MSN: variants seen among roughly 807,000 people sequenced by gnomAD.
MSN encodes moesin, also known as epididymis luminal protein 70.
MSN carries 2 observed loss-of-function variants against 48.0 expected under a neutral mutation model. The observed-to-expected ratio is 0.04, with a 90% CI of 0.02 to 0.13. MSN has a LOEUF of 0.13. Ranked by LOEUF, MSN falls within the 10% of genes least tolerant of loss-of-function variation. The pLI is 1.00. For missense variants in MSN, 267 were observed against 470.1 expected, an observed-to-expected ratio of 0.57 and a Z score of 3.99; for synonymous variants, 146 against 166.9, an observed-to-expected ratio of 0.87 and a Z score of 0.97.
At chrX:65,669,603 A>T (rs1279615446) in intron 1 of MSN, among the ~76,000 whole-genome samples, 1 of 111,350 alleles carries the variant, frequency 9.0e-6, no homozygotes, top group Non-Finnish European at 1.9e-5. Context: ...TGGAGTAATG[A>T]GGGTACCTAA....
At chrX:65,666,965 C>T (rs192419884), upstream of MSN, among the ~76,000 whole-genome samples, 546 of 111,808 alleles carry the variant, frequency 4.9e-3, no homozygotes, top group Non-Finnish European at 7.8e-3. Flanking sequence ...GCTAAAGGAT[C>T]AGGTCACTGA....
rs756728323 is a variant in MSN, at chrX:65,589,108, G to A, written c.-22+496G>A. 18 of 127,530 alleles carry A rather than the reference G, an allele frequency of 1.4e-4. No homozygotes were observed. In the East Asian group the frequency reaches 2.5e-3, roughly 18 times the overall value. 10.5% of individuals were successfully genotyped at this position (127,530 alleles called of 1,213,427 possible). On this transcript the variant is annotated intron_variant, in intron 1 of 3. Transcript: ENST00000609672. The stretch of plus-strand genomic sequence containing the variant: ...CTGTGGAGGCCTGGGGATCTCTAAG[G>A]CCCTACAGCTTCCCTGTCACTCCCA...
chrX:65,660,085 C>G (rs1416462602), intron 1 of MSN, among the ~76,000 whole-genome samples: 1 of 111,525 alleles, frequency 9.0e-6, no homozygotes, highest in Non-Finnish European at 1.9e-5. Flanking sequence ...CCTCGGCTGC[C>G]TCTGCTCTGC....
At chrX:65,695,715 T>C (rs1233547076) in intron 1 of MSN, among the ~76,000 whole-genome samples, 2 of 110,180 alleles carry the variant, frequency 1.8e-5, no homozygotes, top group Non-Finnish European at 3.8e-5. Context: ...CCTGGCTTTG[T>C]CTTCAGGGAT....
intron 1 of MSN, among the ~76,000 whole-genome samples, chrX:65,617,486 A>T (rs1356265047): frequency 9.5e-6 from 1 of 104,958 alleles, no homozygotes; most frequent in East Asian, 2.8e-4. Context: ...TTTCTAGTTT[A>T]TTTGCGTAGA....
At chrX:65,727,767 G>T in intron 2 of MSN, 47 bp from the exon 3 acceptor site, 1 of 1,063,154 alleles carries the variant, frequency 9.4e-7, no homozygotes, top group East Asian at 3.0e-5. Flanking sequence ...GCCTCACACA[G>T]AGGAAGTATT....
intron 1 of MSN, among the ~76,000 whole-genome samples, chrX:65,645,482 G>C (rs1240815172): frequency 9.2e-6 from 1 of 108,750 alleles, no homozygotes; most frequent in Non-Finnish European, 1.9e-5. Context: ...AGAAGAAAGG[G>C]AGTTTCTGTA....
Position 65,629,116 on chromosome X carries a change from T to C in MSN, c.-22+40504T>C, listed in dbSNP as rs1334714362. Reference sequence around the variant, plus strand: ...TTTTTAACAGTACCCAAGTCACCTCTTGAATGCTTTGCTGCCTAGAAATTT... The same window carrying C: ...TTTTTAACAGTACCCAAGTCACCTCCTGAATGCTTTGCTGCCTAGAAATTT... On this transcript the variant is annotated intron_variant, in intron 1 of 3. Transcript: ENST00000609672. Among the ~76,000 whole-genome samples the C allele has an allele frequency of 7.2e-5, 8 of 110,520 alleles. No individual in the cohort carries two copies. In the East Asian group the frequency reaches 2.3e-3, roughly 31 times the overall value.
intron 1 of MSN, among the ~76,000 whole-genome samples, chrX:65,688,734 T>C (rs1357012317): frequency 8.9e-6 from 1 of 112,074 alleles, no homozygotes; most frequent in Non-Finnish European, 1.9e-5. Flanking sequence ...TTGGGGGCTG[T>C]GTGGGGATGG....
At chrX:65,667,497 C>T (rs766938251), upstream of MSN, 2 of 386,472 alleles carry the variant, frequency 5.2e-6, no homozygotes, top group Non-Finnish European at 6.6e-6. Context: ...CCGGGCCCAG[C>T]CGGGCCCCCC....
At chrX:65,689,144 G>T (rs1210385681) in intron 1 of MSN, among the ~76,000 whole-genome samples, 1 of 111,661 alleles carries the variant, frequency 9.0e-6, no homozygotes, top group Non-Finnish European at 1.9e-5. Context: ...CCAAGTCCTT[G>T]CTCGTTTTTG....
At chrX:65,618,494 T>C (rs761878170) in intron 1 of MSN, among the ~76,000 whole-genome samples, 1 of 111,451 alleles carries the variant, frequency 9.0e-6, no homozygotes, top group South Asian at 3.8e-4. Context: ...TCTTTGTTGG[T>C]TTAAAGTCTG....
intron 1 of MSN, among the ~76,000 whole-genome samples, chrX:65,610,301 TTCTG>T (rs1327839327): frequency 2.7e-5 from 3 of 112,240 alleles, no homozygotes; most frequent in African/African-American, 6.5e-5. Flanking sequence ...CTAATCTACT[TTCTG>T]TCTGTATGAA....
chrX:65,730,924 G>A (rs12556916), intron 4 of MSN, among the ~76,000 whole-genome samples, 183 bp from the exon 5 acceptor site: 1 of 111,868 alleles, frequency 8.9e-6, no homozygotes, highest in African/African-American at 3.3e-5. Context: ...TTACCTTTCA[G>A]GCAATTCCTT....
rs181466181 is a variant in MSN, at chrX:65,700,379, T to C, written c.13-16439T>C. 2.3e-3 allele frequency among the ~76,000 whole-genome samples: 253 copies of C among 111,784 alleles called. 1 individual carries two copies. Among genetic ancestry groups the C allele is most frequent in the African/African-American group, 7.7e-3 (236 of 30,725 alleles). On this transcript the variant is annotated intron_variant, in intron 1 of 12. Coordinates refer to ENST00000360270, the MANE Select transcript of MSN (RefSeq NM_002444.3). ...TCTTAAGAATGTCCTATGGTTTCTA[T>C]TGGGGTTTTCTAGCCCACTCCCTGC...
rs926894740 is a variant in MSN at position 65,724,548 on chromosome X, C to A, written c.97-3266C>A. ...TCACTCCTGGGATTTCTGGGACTGG[C>A]TGCATAGTCTGTGCCTACCTCACTT... On this transcript the variant is annotated intron_variant, in intron 2 of 12. Transcript: ENST00000360270. Among the ~76,000 whole-genome samples, 3 of 112,236 alleles carry A rather than the reference C, an allele frequency of 2.7e-5. No individual in the cohort carries two copies. In the Admixed American group the frequency reaches 2.8e-4, roughly 11 times the overall value.
intron 12 of MSN, among the ~76,000 whole-genome samples, 182 bp downstream of exon 12, chrX:65,739,376 G>A (rs901619741): frequency 9.0e-6 from 1 of 111,362 alleles, no homozygotes; most frequent in Non-Finnish European, 1.9e-5. Context: ...CAGACCTTGG[G>A]CTATCTCTTC....
At chrX:65,711,144 C>T (rs989236302) in intron 1 of MSN, among the ~76,000 whole-genome samples, 5 of 111,257 alleles carry the variant, frequency 4.5e-5, no homozygotes, top group East Asian at 2.8e-4. Context: ...CTGCAACCTC[C>T]GCCTCCCAGG....
intron 1 of MSN, among the ~76,000 whole-genome samples, chrX:65,705,992 C>T (rs2071358096): frequency 1.8e-5 from 2 of 111,757 alleles, no homozygotes; most frequent in African/African-American, 6.5e-5. Context: ...TATTGAGAGT[C>T]TGGAAGAGGT....
Sources: allele counts gnomAD v4.1 joint callset (sites outside exome capture counted in the v4.1 genomes callset), GRCh38; gene constraint gnomAD v4.1.1; transcripts MANE v1.5; gene names NCBI Gene and HGNC (gene_info 2026-07-23, HGNC 2026-07-21).